PARD3B: variants seen among roughly 807,000 people sequenced by gnomAD.
PARD3B encodes par-3 family cell polarity regulator beta.
PARD3B carries 103 observed loss-of-function variants against 130.2 expected under a neutral mutation model. The ratio of observed to expected loss-of-function variants is 0.79; its 90% CI spans 0.67 to 0.93. The LOEUF (loss-of-function observed/expected upper bound fraction) is 0.93, where lower values mean the gene tolerates loss of function less well. Ranked by LOEUF, PARD3B falls within the 40% of genes least tolerant of loss-of-function variation. PARD3B has a pLI of 0.00. For missense variants in PARD3B, 1,609 were observed against 1,499.2 expected (o/e 1.07, Z -1.21); for synonymous variants, 583 against 553.2 (o/e 1.05, Z -0.76).
intron 15 of PARD3B, among the ~76,000 whole-genome samples, chr2:205,228,444 G>A (rs980267751): frequency 6.6e-6 from 1 of 152,070 alleles, no homozygotes; most frequent in Non-Finnish European, 1.5e-5. Context: ...CTCATGGCCT[G>A]TAGGGTTTCC....
intron 1 of PARD3B, among the ~76,000 whole-genome samples, chr2:204,674,847 A>T (rs1436304332): frequency 6.6e-6 from 1 of 152,250 alleles, no homozygotes; most frequent in Non-Finnish European, 1.5e-5. Flanking sequence ...TAGCATACAA[A>T]GATGCCAACG....
chr2:205,005,160 C>G (rs1036550378), intron 3 of PARD3B, among the ~76,000 whole-genome samples: 2 of 152,096 alleles, frequency 1.3e-5, no homozygotes, highest in African/African-American at 2.4e-5. Context: ...CTCTTCTCCT[C>G]TCTAGTATAC....
intron 2 of PARD3B, among the ~76,000 whole-genome samples, chr2:204,758,071 A>G (rs1456818632): frequency 6.6e-6 from 1 of 152,174 alleles, no homozygotes; most frequent in African/African-American, 2.4e-5. Context: ...AGTTGGGGCC[A>G]CACCATATGC....
intron 1 of PARD3B, among the ~76,000 whole-genome samples, chr2:204,662,453 C>T (rs1023379075): frequency 6.6e-5 from 10 of 152,174 alleles, no homozygotes; most frequent in African/African-American, 2.4e-4. Context: ...AAACCATCAT[C>T]TGCCTTTCAG....
rs2054389494 is a variant in PARD3B at position 205,591,628 on chromosome 2, T to C, written c.3261-23828T>C. Reference sequence around the variant, plus strand: ...AAACCCAGAACTGTTGTTCCTAACCTCCCTGATGTCTCATATTTTGATGCT... The same window carrying C: ...AAACCCAGAACTGTTGTTCCTAACCCCCCTGATGTCTCATATTTTGATGCT... On this transcript the variant is annotated intron_variant, in intron 22 of 22. Coordinates refer to ENST00000406610, the MANE Select transcript of PARD3B (RefSeq NM_001302769.2). This position sits in a 1 kb window ranked among gnomAD's most constrained non-coding sequence, Gnocchi z 4.2. Among the ~76,000 whole-genome samples the C allele has an allele frequency of 6.6e-6, 1 of 152,180 alleles. No homozygotes were observed. Among genetic ancestry groups the C allele is most frequent in the Non-Finnish European group, 1.5e-5 (1 of 68,032 alleles).
intron 2 of PARD3B, among the ~76,000 whole-genome samples, chr2:204,813,477 C>G (rs1174586869): frequency 6.6e-6 from 1 of 151,840 alleles, no homozygotes; most frequent in Non-Finnish European, 1.5e-5. Flanking sequence ...TGTGGATTAT[C>G]TTCTTATTTT....
chr2:204,857,956 G>A (rs1275208987), intron 2 of PARD3B, among the ~76,000 whole-genome samples: 1 of 152,090 alleles, frequency 6.6e-6, no homozygotes, highest in Non-Finnish European at 1.5e-5. Context: ...TCGTCTAAAG[G>A]GAGGGTTAGT....
chr2:205,266,036 A>G (rs2040490692), intron 16 of PARD3B, among the ~76,000 whole-genome samples: 1 of 152,114 alleles, frequency 6.6e-6, no homozygotes, highest in South Asian at 2.1e-4. Context: ...TCTTACGCTA[A>G]GATTATATCA....
chr2:204,835,413 G>A (rs1022920844), intron 2 of PARD3B, among the ~76,000 whole-genome samples: 1 of 152,078 alleles, frequency 6.6e-6, no homozygotes, highest in African/African-American at 2.4e-5. Context: ...GTTTCTATCT[G>A]ACGTTCCATT....
At chr2:205,165,467 T>G (rs182199627) in intron 11 of PARD3B, among the ~76,000 whole-genome samples, 1 of 148,674 alleles carries the variant, frequency 6.7e-6, no homozygotes, top group East Asian at 1.9e-4. Flanking sequence ...TTGAAAGCAT[T>G]ATTTCAGAAT....
chr2:205,119,011 C>G lies in PARD3B; in HGVS notation c.771C>G (p.Ile257Met), dbSNP rs80348816. ...LFHENECIVK[I>M]NNVDLVDKTF... ...ACGAAAATGAATGTATTGTAAAAATCAACAATGTGGATCTCGTAGACAAAA... is the reference window on the plus strand; with the variant it reads ...ACGAAAATGAATGTATTGTAAAAATGAACAATGTGGATCTCGTAGACAAAA... Residue 257 changes from isoleucine to methionine, a missense_variant, in exon 7 of 23, where the codon ATC becomes ATG. By Grantham distance (10) the Ile-to-Met change is conservative (BLOSUM62 1). Transcript: ENST00000406610. The G allele has an allele frequency of 5.6e-6, 9 of 1,609,284 alleles. No individual in the cohort carries two copies. The highest frequency in any genetic ancestry group is 1.3e-5 in the African/African-American group (1 of 74,696).
chr2:204,775,800 G>T (rs1438480350), intron 2 of PARD3B, among the ~76,000 whole-genome samples: 2 of 152,098 alleles, frequency 1.3e-5, no homozygotes, highest in Admixed American at 1.3e-4. Context: ...GACTCTGTTA[G>T]CTCCCTGTCA....
At chr2:205,385,052 T>C (rs1426022176) in intron 18 of PARD3B, among the ~76,000 whole-genome samples, 1 of 152,138 alleles carries the variant, frequency 6.6e-6, no homozygotes, top group Non-Finnish European at 1.5e-5. Flanking sequence ...CCGAATTAAT[T>C]TGATATTTTT....
chr2:204,811,607 G>C (rs1269633264), intron 2 of PARD3B, among the ~76,000 whole-genome samples: 1 of 152,178 alleles, frequency 6.6e-6, no homozygotes, highest in African/African-American at 2.4e-5. Context: ...TGAAATGGAA[G>C]AATGGGGTGG....
At chr2:204,838,975 C>G (rs2044163981) in intron 2 of PARD3B, among the ~76,000 whole-genome samples, 1 of 149,010 alleles carries the variant, frequency 6.7e-6, no homozygotes, top group African/African-American at 2.5e-5. Flanking sequence ...ATGTGTAGAT[C>G]ATAAGTTGAG....
chr2:205,487,746 A>G (rs759453), intron 20 of PARD3B, among the ~76,000 whole-genome samples: 131,792 of 152,208 alleles, frequency 0.87, 58,847 homozygotes, highest in Non-Finnish European at 0.97. Context: ...TTTTCCCAGA[A>G]TTGACCCTGA....
chr2:204,968,059 C>T (rs1434634635), intron 3 of PARD3B, among the ~76,000 whole-genome samples: 1 of 152,184 alleles, frequency 6.6e-6, no homozygotes. Flanking sequence ...TTGTACTTTT[C>T]ACAGCTCATT....
chr2:204,597,388 C>T (rs927694738), intron 1 of PARD3B, among the ~76,000 whole-genome samples: 1 of 152,010 alleles, frequency 6.6e-6, no homozygotes, highest in Non-Finnish European at 1.5e-5. Context: ...GCTGAGAGTG[C>T]CCCTGAAAAT....
At chr2:205,088,207 A>G (rs1031890469) in intron 4 of PARD3B, among the ~76,000 whole-genome samples, 1 of 152,182 alleles carries the variant, frequency 6.6e-6, no homozygotes, top group African/African-American at 2.4e-5. Flanking sequence ...GAAACTGAGG[A>G]TCATGATAGA....
Sources: gnomAD v4.1 joint callset for allele counts (sites outside exome capture counted in the v4.1 genomes callset) on GRCh38, gnomAD v4.1.1 for gene constraint, Gnocchi (gnomAD v3.1) non-coding constraint, MANE v1.5 for transcripts, NCBI Gene and HGNC (gene_info 2026-07-23, HGNC 2026-07-21) for gene names.